Variants in DHCR24 observed in about 807,000 individuals in gnomAD.
DHCR24 encodes delta(24)-sterol reductase.
A neutral mutation model predicts 61.2 loss-of-function variants in DHCR24; 28 were observed. The observed-to-expected ratio is 0.46, with a 90% CI of 0.34 to 0.63. DHCR24 has a LOEUF of 0.63. DHCR24 is among the 20% of genes least tolerant of loss of function. The pLI, the probability that DHCR24 is intolerant of heterozygous loss-of-function variation, is 0.01. For missense variants in DHCR24, 538 were observed against 679.1 expected (o/e 0.79, Z 2.31); for synonymous variants, 261 against 275.9 (o/e 0.95, Z 0.54).
rs925202356 is a variant in DHCR24 at position 54,850,792 on chromosome 1, G to A, written c.*1441C>T. On this transcript the variant is annotated 3_prime_UTR_variant, in exon 9 of 9. Coordinates refer to ENST00000371269, the MANE Select transcript of DHCR24 (RefSeq NM_014762.4). ...CTAAGACAATCAGAAGGGTTCCAGG[G>A]AGGTCTTGTCTGTAGCGATGTGACA... is the stretch of plus-strand genomic sequence containing the variant. The A allele has an allele frequency of 8.5e-5, 13 of 152,186 alleles. No homozygotes were observed. The highest frequency in any genetic ancestry group is 3.1e-4 in the African/African-American group (13 of 41,434). 9.4% of individuals were successfully genotyped at this position (152,186 alleles called of 1,614,324 possible). A position where few individuals can be genotyped will look rare whatever the true frequency, so the allele number is the denominator to read the frequency against.
At chr1:54,858,158 G>T (rs1646918000) in intron 6 of DHCR24, among the ~76,000 whole-genome samples, 1 of 152,274 alleles carries the variant, frequency 6.6e-6, no homozygotes, top group African/African-American at 2.4e-5. Flanking sequence ...GCTCCAGGGA[G>T]GCACCCGTTC....
rs552016809 is a variant in DHCR24 at position 54,856,866 on chromosome 1, A to C, written c.1021-2632T>G. ...CATTTTATACTCTCCCAGACAATGT[A>C]GAACACTGTTTCCCTTCTCCCTTGC... On this transcript the variant is annotated intron_variant, in intron 6 of 8. Coordinates refer to ENST00000371269, the MANE Select transcript of DHCR24 (RefSeq NM_014762.4). 3.2e-4 allele frequency among the ~76,000 whole-genome samples: 49 copies of C among 152,324 alleles called. 1 individual carries two copies. The highest frequency in any genetic ancestry group is 3.4e-3 in the Middle Eastern group (1 of 294).
intron 6 of DHCR24, among the ~76,000 whole-genome samples, chr1:54,857,751 T>C (rs1438266629): frequency 6.6e-6 from 1 of 152,094 alleles, no homozygotes; most frequent in Non-Finnish European, 1.5e-5. Context: ...GAAAAAAGCT[T>C]TATATTTAGT....
intron 1 of DHCR24, among the ~76,000 whole-genome samples, chr1:54,886,464 C>G (rs1647096724): frequency 6.6e-6 from 1 of 152,206 alleles, no homozygotes; most frequent in Non-Finnish European, 1.5e-5. Context: ...CCGCCCCTGC[C>G]CTGCACTTGT....
chr1:54,865,263 T>C, intron 6 of DHCR24, 40 bp downstream of exon 6: 5 of 1,600,594 alleles, frequency 3.1e-6, no homozygotes, highest in Non-Finnish European at 3.4e-6. Context: ...CCTGCCCAGC[T>C]GGCCTGGAGG....
intron 2 of DHCR24, among the ~76,000 whole-genome samples, chr1:54,879,781 A>C (rs1647055384): frequency 6.6e-6 from 1 of 152,232 alleles, no homozygotes; most frequent in African/African-American, 2.4e-5. Context: ...AGCAGACATC[A>C]AAAGGGAAAT....
At position 54,886,945 on chromosome 1, in the gene DHCR24, T is replaced by G. The variant is rs1296361314; in HGVS notation, c.175A>C (p.Lys59Gln). 6.2e-7 allele frequency: 1 copy of G among 1,613,604 alleles called. No individual in the cohort carries two copies. Among genetic ancestry groups the G allele is most frequent in the East Asian group, 2.2e-5 (1 of 44,852 alleles). Residue 59 changes from lysine to glutamine, a missense_variant, in exon 1 of 9, where the codon AAG (lysine) becomes CAG (glutamine). Lys to Gln is a moderately conservative substitution (Grantham distance 53). Transcript: ENST00000371269. ...YYYVRAWVVF[K>Q]LSSAPRLHEQ... ...TGCAGGCGCGGAGCGCTGCTGAGCTTGAACACCACCCAGGCGCGCACGTAG... is the reference window on the plus strand; with the variant it reads ...TGCAGGCGCGGAGCGCTGCTGAGCTGGAACACCACCCAGGCGCGCACGTAG...
In DHCR24 at chr1:54,854,237, G is replaced by A. The variant is rs1212131717; in HGVS notation, c.1021-3C>T. 1 of 1,611,838 alleles carries A rather than the reference G, an allele frequency of 6.2e-7. No individual in the cohort carries two copies. Among genetic ancestry groups the A allele is most frequent in the African/African-American group, 1.3e-5 (1 of 74,546 alleles). ...TTGTTGCCAAAGGGGATAATGTCCTGGAAAACAAAGATTAGGGTTGGAGAG... is the reference window on the plus strand; with the variant it reads ...TTGTTGCCAAAGGGGATAATGTCCTAGAAAACAAAGATTAGGGTTGGAGAG... On this transcript the variant is annotated splice_region_variant and splice_polypyrimidine_tract_variant and intron_variant, in intron 6 of 8. Coordinates refer to ENST00000371269, the MANE Select transcript of DHCR24 (RefSeq NM_014762.4).
intron 3 of DHCR24, 48 bp from the exon 4 acceptor site, chr1:54,875,259 G>C: frequency 6.3e-7 from 1 of 1,586,260 alleles, no homozygotes; most frequent in Non-Finnish European, 8.7e-7. Flanking sequence ...TGTGGGTACA[G>C]GGTTGGGGGT....
In DHCR24 at chr1:54,886,839, G is replaced by A. The variant is rs755595285; in HGVS notation, c.231+50C>T. ...CGCCACCTCGCGTCCCGCTATCCCC[G>A]CGCACGCCGCCTCCGGCCCTGAGTC... On this transcript the variant is annotated intron_variant, in intron 1 of 8. Coordinates refer to ENST00000371269, the MANE Select transcript of DHCR24 (RefSeq NM_014762.4). 4 of 1,482,686 alleles carry A rather than the reference G, an allele frequency of 2.7e-6. No homozygotes were observed. The South Asian group carries it at 3.4e-5, about 13-fold the overall frequency. 91.8% of individuals were successfully genotyped at this position (1,482,686 alleles called of 1,614,324 possible).
chr1:54,866,672 C>G (rs1013857792), intron 5 of DHCR24, among the ~76,000 whole-genome samples: 10 of 150,142 alleles, frequency 6.7e-5, no homozygotes, highest in Non-Finnish European at 1.2e-4. Flanking sequence ...CTGCTCTACC[C>G]TACAGCCAGG....
rs572084161 is a variant in DHCR24 at position 54,870,967 on chromosome 1, C to T, written c.876+383G>A. On this transcript the variant is annotated intron_variant, in intron 5 of 8. Coordinates refer to ENST00000371269, the MANE Select transcript of DHCR24 (RefSeq NM_014762.4). ...CAATCTAGATTCCAAGGCATCAAAT[C>T]GATTACTCGAATCTTGTGGAAGTTT... 1.1e-4 allele frequency among the ~76,000 whole-genome samples: 17 copies of T among 152,334 alleles called. No homozygotes were observed. The South Asian group carries it at 3.1e-3, about 28-fold the overall frequency.
rs995386156 is a variant in DHCR24, at chr1:54,883,282, T to C, written c.387+336A>G. ...CAGGAAGCTTGTAACAAGACCCATG[T>C]CTCTCAGTCACTTCTGTAGCCCATT... On this transcript the variant is annotated intron_variant, in intron 2 of 8. Coordinates refer to ENST00000371269, the MANE Select transcript of DHCR24 (RefSeq NM_014762.4). The surrounding 1 kb of genome is among the most constrained non-coding windows in gnomAD (Gnocchi z 4.3). 1.3e-5 allele frequency among the ~76,000 whole-genome samples: 2 copies of C among 152,178 alleles called. No homozygotes were observed. The highest frequency in any genetic ancestry group is 4.8e-5 in the African/African-American group (2 of 41,440).
intron 6 of DHCR24, among the ~76,000 whole-genome samples, chr1:54,863,305 T>C (rs935257888): frequency 1.3e-5 from 2 of 152,202 alleles, no homozygotes; most frequent in Non-Finnish European, 2.9e-5. Flanking sequence ...GTCACAGTTA[T>C]TCTTTTAAAA....
In DHCR24 at chr1:54,887,107, C is replaced by A; in HGVS notation, c.13G>T (p.Val5Leu). 6.3e-7 allele frequency: 1 copy of A among 1,587,318 alleles called. No homozygotes were observed. The highest frequency in any genetic ancestry group is 8.6e-7 in the Non-Finnish European group (1 of 1,167,548). The stretch of plus-strand genomic sequence containing the variant: ...AGCAGCGCGCACACGGCCAGCGACA[C>A]GGCGGGCTCCATGGTGCGGCGCCGC... MEPA[V>L]SLAVCALLFL... is the part of the protein sequence containing the mutation. Residue 5 changes from valine (V) to leucine (L), a missense_variant, in exon 1 of 9, where the codon GTG becomes TTG. Physicochemically the swap from Val to Leu is conservative, Grantham distance 32. Coordinates refer to ENST00000371269, the MANE Select transcript of DHCR24 (RefSeq NM_014762.4).
At position 54,871,404 on chromosome 1, in the gene DHCR24, C is replaced by T. The variant is rs1250624031; in HGVS notation, c.822G>A (p.Leu274=). ...NHFVEGLLYS[L]DEAVIMTGVM... ...CCCCTGTCATAATGACAGCCTCATC[C>T]AGGGAGTAGAGCAGCCCTTCCACGA... The change falls in exon 5 of 9, where the codon CTG becomes CTA. Residue 274 remains leucine, a synonymous_variant. Coordinates refer to ENST00000371269, the MANE Select transcript of DHCR24 (RefSeq NM_014762.4). The T allele has an allele frequency of 6.2e-7, 1 of 1,614,072 alleles. No individual in the cohort carries two copies. The highest frequency in any genetic ancestry group is 8.5e-7 in the Non-Finnish European group (1 of 1,180,036).
chr1:54,860,348 C>A (rs1411501190), intron 6 of DHCR24, among the ~76,000 whole-genome samples: 2 of 152,184 alleles, frequency 1.3e-5, no homozygotes, highest in Non-Finnish European at 2.9e-5. Context: ...CTTAACAAAA[C>A]CCTCTCCATT....
intron 4 of DHCR24, 109 bp downstream of exon 4, chr1:54,874,984 C>G (rs1344562883): frequency 1.7e-5 from 16 of 948,750 alleles, no homozygotes; most frequent in Non-Finnish European, 2.8e-5. Context: ...TAGACCCAGA[C>G]TGAACAGGTA....
intron 7 of DHCR24, 105 bp from the exon 8 acceptor site, chr1:54,853,717 C>A (rs1456245045): frequency 1.5e-6 from 2 of 1,328,038 alleles, no homozygotes; most frequent in Non-Finnish European, 2.1e-6. Flanking sequence ...GCAGCATTCT[C>A]AAGACCCCCT....
Sources: allele counts gnomAD v4.1 joint callset (sites outside exome capture counted in the v4.1 genomes callset), GRCh38; gene constraint gnomAD v4.1.1; non-coding constraint Gnocchi (gnomAD v3.1); transcripts MANE v1.5; gene names NCBI Gene and HGNC (gene_info 2026-07-23, HGNC 2026-07-21).